Variants in JAZF1 observed in about 807,000 individuals in gnomAD.
JAZF1 encodes juxtaposed with another zinc finger protein 1.
JAZF1 carries 8 observed loss-of-function variants against 26.4 expected under a neutral mutation model. That is an observed-to-expected ratio of 0.30 (90% CI 0.18 to 0.55). The LOEUF (loss-of-function observed/expected upper bound fraction) is 0.55, where lower values mean the gene tolerates loss of function less well. Ranked by LOEUF, JAZF1 falls within the 20% of genes least tolerant of loss-of-function variation. The probability of loss-of-function intolerance (pLI) is 0.94; values close to 1 mark genes in which losing one functional copy is unlikely to be tolerated. For synonymous variants in JAZF1, 126 were observed against 122.3 expected (o/e 1.03, Z -0.20); for missense variants, 199 against 322.0 (o/e 0.62, Z 2.92).
chr7:27,860,856 C>A (rs957963056), intron 3 of JAZF1, among the ~76,000 whole-genome samples: 7 of 148,384 alleles, frequency 4.7e-5, no homozygotes, highest in African/African-American at 1.7e-4. Flanking sequence ...CCCCACTTTC[C>A]TCTTTGCCTC....
chr7:28,065,544 T>C (rs1462629455), intron 1 of JAZF1, among the ~76,000 whole-genome samples: 2 of 152,228 alleles, frequency 1.3e-5, no homozygotes, highest in Non-Finnish European at 2.9e-5. Flanking sequence ...GTCACGATCC[T>C]ATCCCAACAT....
chr7:27,892,885 T>G (rs1015163197), intron 3 of JAZF1, among the ~76,000 whole-genome samples: 1 of 152,228 alleles, frequency 6.6e-6, no homozygotes. Context: ...GTGTTATACA[T>G]GTGCTATCAC....
chr7:27,878,839 G>A (rs573446022), intron 3 of JAZF1, among the ~76,000 whole-genome samples: 3 of 152,246 alleles, frequency 2.0e-5, no homozygotes, highest in East Asian at 1.9e-4. Flanking sequence ...GCCCCCTTCC[G>A]TTCATGTCAC....
chr7:27,909,094 C>T (rs1420902775), intron 2 of JAZF1, among the ~76,000 whole-genome samples: 13 of 146,272 alleles, frequency 8.9e-5, no homozygotes, highest in Non-Finnish European at 5.9e-5. Context: ...ACTGCAGCCT[C>T]GACCTGCTGG....
chr7:27,846,321 G>A (rs1321872196), intron 3 of JAZF1, among the ~76,000 whole-genome samples: 1 of 149,950 alleles, frequency 6.7e-6, no homozygotes, highest in East Asian at 2.1e-4. Context: ...TTGTGTGTGT[G>A]TGTATACATA....
intron 1 of JAZF1, among the ~76,000 whole-genome samples, chr7:28,075,060 G>C (rs544640170): frequency 2.0e-5 from 3 of 152,262 alleles, no homozygotes; most frequent in African/African-American, 7.2e-5. Flanking sequence ...AAAGGGAAGA[G>C]GTTATGGGCA....
chr7:27,852,130 CTTT>C (rs113021262), intron 3 of JAZF1, among the ~76,000 whole-genome samples: 1 of 125,254 alleles, frequency 8.0e-6, no homozygotes, highest in African/African-American at 2.7e-5. Context: ...ATAAACAGGA[CTTT>C]TTTTTTTTTT....
rs1365123211 is a variant in JAZF1 at position 27,901,374 on chromosome 7, G to A, written c.189-5958C>T. ...GTTCATTCAGTCTGACATGCTCAACGTGGAAACATGAATATAACTCCACAG... is the reference window on the plus strand; with the variant it reads ...GTTCATTCAGTCTGACATGCTCAACATGGAAACATGAATATAACTCCACAG... On this transcript the variant is annotated intron_variant, in intron 2 of 4. Transcript: ENST00000283928. 2.6e-5 allele frequency among the ~76,000 whole-genome samples: 4 copies of A among 152,110 alleles called. No homozygotes were observed. In the South Asian group the frequency reaches 6.2e-4, roughly 24 times the overall value.
chr7:27,852,172 C>T (rs1285837010), intron 3 of JAZF1, among the ~76,000 whole-genome samples: 1 of 151,282 alleles, frequency 6.6e-6, no homozygotes, highest in South Asian at 2.1e-4. Context: ...CACTCTGTCG[C>T]CCAGGCTGGA....
At chr7:28,023,876 T>G (rs1337780913) in intron 1 of JAZF1, among the ~76,000 whole-genome samples, 1 of 152,130 alleles carries the variant, frequency 6.6e-6, no homozygotes, top group African/African-American at 2.4e-5. Context: ...CATTAAGAAA[T>G]GAGCACCTAG....
intron 2 of JAZF1, among the ~76,000 whole-genome samples, chr7:27,942,216 A>C (rs1784857871): frequency 6.6e-6 from 1 of 152,230 alleles, no homozygotes; most frequent in Admixed American, 6.5e-5. Context: ...CCATTTATGG[A>C]GCTCTTGCAT....
intron 1 of JAZF1, among the ~76,000 whole-genome samples, chr7:28,102,112 C>G (rs1429260001): frequency 6.6e-6 from 1 of 152,180 alleles, no homozygotes; most frequent in Non-Finnish European, 1.5e-5. Context: ...CCTGATTGCC[C>G]AGCACCCCCA....
intron 1 of JAZF1, among the ~76,000 whole-genome samples, chr7:28,105,378 T>C (rs1177210990): frequency 6.6e-6 from 1 of 152,318 alleles, no homozygotes. Context: ...CTGCAAAGCA[T>C]TGTGACTCCT....
chr7:27,898,213 T>C (rs1784102841), intron 2 of JAZF1, among the ~76,000 whole-genome samples: 1 of 149,048 alleles, frequency 6.7e-6, no homozygotes, highest in Non-Finnish European at 1.5e-5. Context: ...ACCCAGAGGG[T>C]GCATATCCAG....
At chr7:27,969,414 G>A (rs1201174777) in intron 2 of JAZF1, among the ~76,000 whole-genome samples, 8 of 152,116 alleles carry the variant, frequency 5.3e-5, no homozygotes, top group Non-Finnish European at 1.0e-4. Flanking sequence ...GGTGGTCACG[G>A]AAGGTGGAAG....
chr7:27,963,569 C>CTTTT (rs36024077), intron 2 of JAZF1, among the ~76,000 whole-genome samples: 2 of 132,514 alleles, frequency 1.5e-5, no homozygotes, highest in African/African-American at 5.8e-5. Context: ...CCCCCCCCCC[C>CTTTT]TTTTTTTTTG....
intron 1 of JAZF1, among the ~76,000 whole-genome samples, chr7:28,138,997 G>A (rs1244467515): frequency 8.2e-6 from 1 of 122,462 alleles, no homozygotes; most frequent in Non-Finnish European, 2.0e-5. Context: ...GGTCAAGGTA[G>A]ACCTGAAGTG....
intron 2 of JAZF1, among the ~76,000 whole-genome samples, chr7:27,924,355 C>T (rs1583465585): frequency 6.6e-6 from 1 of 152,180 alleles, no homozygotes; most frequent in East Asian, 1.9e-4. Context: ...CGATTACAGG[C>T]GTGAGCCAGT....
chr7:28,037,529 C>T (rs1783314394), intron 1 of JAZF1, among the ~76,000 whole-genome samples: 1 of 152,124 alleles, frequency 6.6e-6, no homozygotes. Context: ...TTCTTATTCC[C>T]CAGATCAGTA....
Sources: gnomAD v4.1 joint callset for allele counts (sites outside exome capture counted in the v4.1 genomes callset) on GRCh38, gnomAD v4.1.1 for gene constraint, MANE v1.5 for transcripts, NCBI Gene and HGNC (gene_info 2026-07-23, HGNC 2026-07-21) for gene names.